The following RTTN variants were observed in gnomAD, a reference collection of about 807,000 sequenced individuals.
RTTN encodes rotatin.
In RTTN, 182 loss-of-function variants were observed where a neutral mutation model predicts 269.2. The ratio of observed to expected loss-of-function variants is 0.68; its 90% CI spans 0.60 to 0.76. The LOEUF is 0.76. Ranked by LOEUF, RTTN falls within the 30% of genes least tolerant of loss-of-function variation. The pLI, the probability that RTTN is intolerant of heterozygous loss-of-function variation, is 0.00. For synonymous variants in RTTN, 1,006 were observed against 963.5 expected, an observed-to-expected ratio of 1.04 and a Z score of -0.82; for missense variants, 2,545 against 2,608.6, an observed-to-expected ratio of 0.98 and a Z score of 0.53.
Position 70,190,699 on chromosome 18 carries a change from T to G in RTTN, c.1028A>C (p.His343Pro). The G allele has an allele frequency of 6.2e-7, 1 of 1,608,352 alleles. No individual in the cohort carries two copies. The highest frequency in any genetic ancestry group is 2.2e-5 in the East Asian group (1 of 44,768). Residue 343 changes from histidine (H) to proline (P), a missense_variant, in exon 9 of 49, where the codon CAT becomes CCT. Coordinates refer to ENST00000640769, the MANE Select transcript of RTTN (RefSeq NM_173630.4). ...ATGAACGGATATCCTGGAGTTTACA[T>G]GAGCATGACTACTACTTCCACTGCA... is the stretch of plus-strand genomic sequence containing the variant. ...ASSSGSSSHA[H>P]VNSRISVHSP...
chr18:70,110,304 C>T (rs1478351958), intron 27 of RTTN, among the ~76,000 whole-genome samples: 1 of 151,744 alleles, frequency 6.6e-6, no homozygotes, highest in East Asian at 1.9e-4. Flanking sequence ...CTCCAGTCTG[C>T]AGCTCCCGGC....
chr18:70,134,548 C>A lies in RTTN; in HGVS notation c.2886-7G>T. On this transcript the variant is annotated splice_region_variant and splice_polypyrimidine_tract_variant and intron_variant, in intron 22 of 48. Coordinates refer to ENST00000640769, the MANE Select transcript of RTTN (RefSeq NM_173630.4). The stretch of plus-strand genomic sequence containing the variant: ...ATTGGAAGGATTAACAGACCTATTT[C>A]ATAAAAGAAAAACAAAAACAAAGAA... The A allele has an allele frequency of 6.3e-7, 1 of 1,594,760 alleles. No homozygotes were observed. The highest frequency in any genetic ancestry group is 1.1e-5 in the South Asian group (1 of 87,162).
intron 11 of RTTN, among the ~76,000 whole-genome samples, chr18:70,169,638 A>G (rs1168118951): frequency 1.3e-5 from 2 of 152,212 alleles, no homozygotes; most frequent in African/African-American, 4.8e-5. Flanking sequence ...AAATAGTTCT[A>G]AAATACAGAA....
chr18:70,092,961 A>G (rs1383260757), intron 28 of RTTN, among the ~76,000 whole-genome samples, 157 bp from the exon 29 acceptor site: 1 of 152,192 alleles, frequency 6.6e-6, no homozygotes, highest in Non-Finnish European at 1.5e-5. Flanking sequence ...AAGATGGTAA[A>G]TTTTATGTTA....
chr18:70,188,348 G>A, intron 9 of RTTN, 125 bp from the exon 10 acceptor site: 1 of 623,924 alleles, frequency 1.6e-6, no homozygotes, highest in South Asian at 2.0e-5. Context: ...TTTTTCTAAT[G>A]TTCTTAGAAC....
Position 70,205,644 on chromosome 18 carries a change from C to T in RTTN, c.15G>A (p.Gly5=), listed in dbSNP as rs754483908. MVLA[G]LIRKLGHQLA... Reference sequence around the variant, plus strand: ...GACAGTTACCGAGTTTCCTGATGAGCCCTGCCAGGACCATCTCGTCCCGTC... The same window carrying T: ...GACAGTTACCGAGTTTCCTGATGAGTCCTGCCAGGACCATCTCGTCCCGTC... Residue 5 remains glycine, a synonymous_variant, in exon 1 of 49, where the codon GGG becomes GGA. Coordinates refer to ENST00000640769, the MANE Select transcript of RTTN (RefSeq NM_173630.4). 1.9e-6 allele frequency: 3 copies of T among 1,614,134 alleles called. No homozygotes were observed. Among genetic ancestry groups the T allele is most frequent in the Non-Finnish European group, 1.7e-6 (2 of 1,180,026 alleles).
At chr18:70,027,628 T>C (rs1448052601) in intron 43 of RTTN, among the ~76,000 whole-genome samples, 1 of 152,182 alleles carries the variant, frequency 6.6e-6, no homozygotes, top group Admixed American at 6.5e-5. Context: ...ACATGAAATT[T>C]ATATATTTAA....
chr18:70,185,550 C>A (rs1199528412), intron 10 of RTTN, among the ~76,000 whole-genome samples: 1 of 152,042 alleles, frequency 6.6e-6, no homozygotes, highest in Non-Finnish European at 1.5e-5. Flanking sequence ...GGTGAAAGAT[C>A]GAATGCTTCC....
intron 40 of RTTN, among the ~76,000 whole-genome samples, chr18:70,035,444 A>G (rs1383074558): frequency 2.0e-5 from 3 of 152,246 alleles, no homozygotes; most frequent in Admixed American, 2.0e-4. Flanking sequence ...AAACCTGACA[A>G]AAACAAACAA....
intron 10 of RTTN, among the ~76,000 whole-genome samples, chr18:70,184,206 A>C (rs2061481540): frequency 6.6e-6 from 1 of 152,240 alleles, no homozygotes; most frequent in Admixed American, 6.5e-5. Flanking sequence ...TGAAATACTC[A>C]AATGTATAAG....
chr18:70,105,911 T>C (rs2059308761), intron 28 of RTTN, among the ~76,000 whole-genome samples: 1 of 152,164 alleles, frequency 6.6e-6, no homozygotes, highest in Non-Finnish European at 1.5e-5. Flanking sequence ...TATATATGTA[T>C]TATGTAGCAC....
Position 70,197,719 on chromosome 18 carries a change from G to T in RTTN, c.598C>A (p.His200Asn). Residue 200 changes from histidine to asparagine, a missense_variant, in exon 6 of 49, where the codon CAC (histidine) becomes AAC (asparagine). Coordinates refer to ENST00000640769, the MANE Select transcript of RTTN (RefSeq NM_173630.4). The stretch of plus-strand genomic sequence containing the variant: ...TCACAGGTGTTCCAGATTAAAGTGT[G>T]GTTACTACTTCTTAAAGAGCTACAA... ...SNESSLRSSN[H>N]TLIWNTCELL... 6.2e-7 allele frequency: 1 copy of T among 1,603,148 alleles called. No homozygotes were observed. The highest frequency in any genetic ancestry group is 1.1e-5 in the South Asian group (1 of 90,822).
Position 70,199,397 on chromosome 18 carries a change from T to C in RTTN, c.578+17A>G. 1 of 1,550,316 alleles carries C rather than the reference T, an allele frequency of 6.5e-7. No homozygotes were observed. Among genetic ancestry groups the C allele is most frequent in the Non-Finnish European group, 8.9e-7 (1 of 1,123,580 alleles). ...ATAAGTGAACAAAAATACCTGAAAA[T>C]ACATCAAGCACCGTACCTTTCATTA... On this transcript the variant is annotated intron_variant, in intron 5 of 48. Transcript: ENST00000640769.
At chr18:70,110,329 A>G (rs1238679755) in intron 27 of RTTN, among the ~76,000 whole-genome samples, 1 of 152,034 alleles carries the variant, frequency 6.6e-6, no homozygotes, top group African/African-American at 2.4e-5. Context: ...TCGACGCAGA[A>G]GGCGGGTGAT....
rs1489765269 is a variant in RTTN at position 70,176,803 on chromosome 18, T to C, written c.1348A>G (p.Met450Val). The change falls in exon 11 of 49, where the codon ATG (methionine) becomes GTG (valine). Residue 450 changes from methionine to valine, a missense_variant. Met to Val is a conservative substitution (Grantham distance 21). Transcript: ENST00000640769. ...CTGATACTACTTTTATGGTAGCACA[T>C]GGTTTCTCCAAGGGCTCCCAACACC... The part of the protein sequence containing the change: ...LLVLGALGET[M>V]CYHKSSISLE... 6.2e-7 allele frequency: 1 copy of C among 1,614,050 alleles called. No homozygotes were observed. The highest frequency in any genetic ancestry group is 2.2e-5 in the East Asian group (1 of 44,862).
intron 25 of RTTN, among the ~76,000 whole-genome samples, chr18:70,126,027 A>G (rs1229861649): frequency 6.6e-6 from 1 of 152,080 alleles, no homozygotes; most frequent in Admixed American, 6.6e-5. Flanking sequence ...CAAATACAAG[A>G]TGAATATTAT....
intron 7 of RTTN, among the ~76,000 whole-genome samples, chr18:70,195,566 ATTGT>A: frequency 6.6e-6 from 1 of 152,300 alleles, no homozygotes; most frequent in Non-Finnish European, 1.5e-5. Context: ...AGCAAACTTG[ATTGT>A]TTATCACCTG....
At chr18:70,080,275 T>C (rs1279407821) in intron 32 of RTTN, among the ~76,000 whole-genome samples, 1 of 152,090 alleles carries the variant, frequency 6.6e-6, no homozygotes, top group Admixed American at 6.6e-5. Flanking sequence ...TGAATACATC[T>C]AGAACGCAGA....
chr18:70,197,236 C>T (rs978451746), intron 6 of RTTN, among the ~76,000 whole-genome samples: 7 of 152,196 alleles, frequency 4.6e-5, no homozygotes, highest in Non-Finnish European at 1.0e-4. Context: ...AAGAATCCAT[C>T]TGCGTTACTC....
Sources: allele counts gnomAD v4.1 joint callset (sites outside exome capture counted in the v4.1 genomes callset), GRCh38; gene constraint gnomAD v4.1.1; transcripts MANE v1.5; gene names NCBI Gene and HGNC (gene_info 2026-07-23, HGNC 2026-07-21).